The following NAV3 variants were observed in gnomAD, a reference collection of about 807,000 sequenced individuals.
NAV3 encodes the protein pore membrane and/or filament interacting like protein 1.
Under a neutral mutation model 244.7 loss-of-function variants are expected in NAV3, and 87 were observed. That is an observed-to-expected ratio of 0.36 (90% CI 0.30 to 0.42). The LOEUF is 0.42. Among genes scored for constraint, NAV3 ranks in the 20% least tolerant of loss-of-function variants. The probability of loss-of-function intolerance (pLI) is 1.00; values close to 1 mark genes in which losing one functional copy is unlikely to be tolerated. For missense variants in NAV3, 2,663 were observed against 2,893.3 expected (o/e 0.92, Z 1.83); for synonymous variants, 1,126 against 1,042.2 (o/e 1.08, Z -1.55).
At chr12:77,764,795 G>A (rs1869656518) in intron 2 of NAV3, among the ~76,000 whole-genome samples, 1 of 152,158 alleles carries the variant, frequency 6.6e-6, no homozygotes, top group Non-Finnish European at 1.5e-5. Context: ...AAATTTTTAT[G>A]TATATTCATG....
At chr12:77,578,453 A>C (rs996507398) in intron 2 of NAV3, among the ~76,000 whole-genome samples, 2 of 152,150 alleles carry the variant, frequency 1.3e-5, no homozygotes, top group Non-Finnish European at 1.5e-5. Context: ...CTCCCTTCCC[A>C]GTATTTCCTG....
intron 17 of NAV3, among the ~76,000 whole-genome samples, 188 bp downstream of exon 17, chr12:78,127,396 A>G (rs926716835): frequency 2.0e-5 from 3 of 152,206 alleles, no homozygotes; most frequent in Non-Finnish European, 2.9e-5. Context: ...ATACTAGTAG[A>G]GATTGAGGCT....
intron 23 of NAV3, among the ~76,000 whole-genome samples, chr12:78,162,913 T>TTATA (rs1310857700): frequency 8.9e-6 from 1 of 112,020 alleles, no homozygotes; most frequent in African/African-American, 3.0e-5. Flanking sequence ...AATATATATA[T>TTATA]TATATAATAT....
chr12:77,815,452 A>G (rs1872492351), intron 2 of NAV3, among the ~76,000 whole-genome samples: 1 of 152,324 alleles, frequency 6.6e-6, no homozygotes, highest in Admixed American at 6.5e-5. Context: ...TCAGGAGCAC[A>G]CAGTAAATAT....
intron 5 of NAV3, among the ~76,000 whole-genome samples, chr12:77,981,314 T>C (rs1869520722): frequency 6.6e-6 from 1 of 152,156 alleles, no homozygotes; most frequent in Non-Finnish European, 1.5e-5. Flanking sequence ...TCTCTCTTTC[T>C]TAGTGCTAAT....
intron 1 of NAV3, among the ~76,000 whole-genome samples, chr12:77,904,751 T>A (rs1324042239): frequency 6.6e-6 from 1 of 152,200 alleles, no homozygotes; most frequent in Non-Finnish European, 1.5e-5. Flanking sequence ...TTAAATTTAC[T>A]TCAGAACTAC....
intron 2 of NAV3, among the ~76,000 whole-genome samples, chr12:77,688,987 A>T (rs1430027424): frequency 6.6e-6 from 1 of 151,932 alleles, no homozygotes; most frequent in Non-Finnish European, 1.5e-5. Context: ...AATCAGCTGA[A>T]ACCAGGATAA....
Position 78,210,916 on chromosome 12 carries a change from AG to A in NAV3, c.*402del, listed in dbSNP as rs1960833952. 4.9e-6 allele frequency: 1 copy of A among 204,126 alleles called. No homozygotes were observed. The highest frequency in any genetic ancestry group is 9.9e-6 in the Non-Finnish European group (1 of 100,852). 12.6% of individuals were successfully genotyped at this position (204,126 alleles called of 1,614,324 possible). A position where few individuals can be genotyped will look rare whatever the true frequency, so the allele number is the denominator to read the frequency against. On this transcript the variant is annotated 3_prime_UTR_variant, in exon 40 of 40. Coordinates refer to ENST00000397909, the MANE Select transcript of NAV3 (RefSeq NM_001024383.2). The stretch of plus-strand genomic sequence containing the variant: ...CTCTGAGGGGCTGTTCGCCCCAGGC[AG>A]GGTCCATCTTTCTGATCTGTCCAAC...
chr12:77,771,268 G>A (rs1870069613), intron 2 of NAV3, among the ~76,000 whole-genome samples: 1 of 152,146 alleles, frequency 6.6e-6, no homozygotes, highest in African/African-American at 2.4e-5. Context: ...GAAACAACAG[G>A]TGCTGGAGAG....
intron 2 of NAV3, among the ~76,000 whole-genome samples, chr12:77,806,629 G>C (rs1447130607): frequency 6.6e-6 from 1 of 152,176 alleles, no homozygotes; most frequent in African/African-American, 2.4e-5. Context: ...GTGCTGAGAA[G>C]AATGTGTATT....
intron 3 of NAV3, among the ~76,000 whole-genome samples, chr12:77,942,388 T>C (rs1294888792): frequency 2.0e-5 from 3 of 151,086 alleles, no homozygotes; most frequent in Non-Finnish European, 4.4e-5. Context: ...AATAAATAAA[T>C]AAATAAATAA....
At chr12:78,148,805 A>G (rs752603421) in intron 21 of NAV3, 37 bp from the exon 22 acceptor site, 5 of 1,562,978 alleles carry the variant, frequency 3.2e-6, no homozygotes, top group Non-Finnish European at 1.7e-6. Context: ...GTAAAAATCT[A>G]CTTGCCTATT....
chr12:78,193,483 T>A (rs990271092), intron 34 of NAV3, among the ~76,000 whole-genome samples: 3 of 152,176 alleles, frequency 2.0e-5, no homozygotes, highest in Admixed American at 2.0e-4. Flanking sequence ...CTACCATTTT[T>A]ATGTAACTGT....
intron 1 of NAV3, among the ~76,000 whole-genome samples, chr12:77,887,649 C>T (rs1171260740): frequency 2.6e-5 from 4 of 152,176 alleles, no homozygotes; most frequent in East Asian, 3.9e-4. Flanking sequence ...AGTTATTCCA[C>T]GTTAATCTCC....
chr12:77,778,058 G>T (rs184175397), intron 2 of NAV3, among the ~76,000 whole-genome samples: 1 of 151,606 alleles, frequency 6.6e-6, no homozygotes, highest in Non-Finnish European at 1.5e-5. Flanking sequence ...CATCCACCTC[G>T]GCCTCCCAAA....
At chr12:77,677,518 G>T (rs932849510) in intron 2 of NAV3, among the ~76,000 whole-genome samples, 2 of 152,138 alleles carry the variant, frequency 1.3e-5, no homozygotes, top group Non-Finnish European at 2.9e-5. Context: ...TATGTATCTT[G>T]TCCTCAACAG....
At chr12:77,710,767 C>A (rs1217945984) in intron 2 of NAV3, among the ~76,000 whole-genome samples, 1 of 152,030 alleles carries the variant, frequency 6.6e-6, no homozygotes, top group Non-Finnish European at 1.5e-5. Context: ...AGAAAAATGG[C>A]ACTTTATATT....
chr12:78,084,345 T>C (rs1371085153), intron 12 of NAV3, among the ~76,000 whole-genome samples: 1 of 152,172 alleles, frequency 6.6e-6, no homozygotes, highest in Non-Finnish European at 1.5e-5. Context: ...ATGAACTGTC[T>C]CAGTTAAATA....
chr12:77,852,787 C>T (rs1212706089), intron 1 of NAV3, among the ~76,000 whole-genome samples: 1 of 152,162 alleles, frequency 6.6e-6, no homozygotes, highest in African/African-American at 2.4e-5. Flanking sequence ...TGCTGTCTGA[C>T]ATTTACAATT....
Sources: allele counts gnomAD v4.1 joint callset (sites outside exome capture counted in the v4.1 genomes callset), GRCh38; gene constraint gnomAD v4.1.1; transcripts MANE v1.5; gene names NCBI Gene and HGNC (gene_info 2026-07-23, HGNC 2026-07-21).